TMEM14A: variants seen among roughly 807,000 people sequenced by gnomAD.
TMEM14A encodes transmembrane protein 14A.
In TMEM14A, 8 loss-of-function variants were observed where a neutral mutation model predicts 11.6. The ratio of observed to expected loss-of-function variants is 0.69; its 90% confidence interval spans 0.40 to 1.24. The LOEUF (loss-of-function observed/expected upper bound fraction) is 1.24. Ranked by LOEUF, TMEM14A falls within the 50% of genes most tolerant of loss-of-function variation. TMEM14A has a pLI of 0.01. For missense variants in TMEM14A, 108 were observed against 121.9 expected (o/e 0.89, Z 0.54); for synonymous variants, 34 against 45.5 (o/e 0.75, Z 1.02).
intron 2 of TMEM14A, among the ~76,000 whole-genome samples, chr6:52,680,858 GGT>G (rs70977374): frequency 8.9e-5 from 13 of 145,398 alleles, no homozygotes; most frequent in African/African-American, 1.8e-4. Context: ...ATGCTGCTCT[GGT>G]GTGTGTGTGT....
chr6:52,684,772 T>G (rs1427800551), intron 4 of TMEM14A, among the ~76,000 whole-genome samples: 1 of 152,240 alleles, frequency 6.6e-6, no homozygotes. Context: ...GTTTATTTCC[T>G]TTGATAGACA....
chr6:52,677,032 T>C, intron 1 of TMEM14A, 55 bp from the exon 2 acceptor site: 1 of 1,513,722 alleles, frequency 6.6e-7, no homozygotes, highest in East Asian at 2.3e-5. Flanking sequence ...TTAGATACAT[T>C]CCCTCCCCAA....
intron 1 of TMEM14A, among the ~76,000 whole-genome samples, chr6:52,675,808 T>A (rs1022643326): frequency 1.3e-5 from 2 of 152,242 alleles, no homozygotes; most frequent in Non-Finnish European, 2.9e-5. Flanking sequence ...AGGACTAATA[T>A]CTGTACAGAC....
intron 2 of TMEM14A, among the ~76,000 whole-genome samples, chr6:52,680,121 A>G (rs1231676373): frequency 6.6e-6 from 1 of 152,028 alleles, no homozygotes; most frequent in Non-Finnish European, 1.5e-5. Context: ...CTGGGGAAAC[A>G]GCAATCGCTC....
At chr6:52,678,367 GTGT>G (rs1284171902) in intron 2 of TMEM14A, among the ~76,000 whole-genome samples, 22 of 143,694 alleles carry the variant, frequency 1.5e-4, no homozygotes, top group Admixed American at 1.5e-3. Context: ...GTGTGTGTGT[GTGT>G]GGAAGGAATC....
At chr6:52,671,871 C>T (rs1236368583) in intron 1 of TMEM14A, among the ~76,000 whole-genome samples, 2 of 152,204 alleles carry the variant, frequency 1.3e-5, no homozygotes, top group Non-Finnish European at 2.9e-5. Context: ...TCCTCTCCCA[C>T]CTTATCCCTT....
At chr6:52,678,000 G>A (rs988367674) in intron 2 of TMEM14A, among the ~76,000 whole-genome samples, 2 of 152,034 alleles carry the variant, frequency 1.3e-5, no homozygotes, top group African/African-American at 4.8e-5. Flanking sequence ...ATTCCTTAAA[G>A]CCTGTAATTC....
intron 3 of TMEM14A, among the ~76,000 whole-genome samples, chr6:52,683,486 A>C (rs74331158): frequency 0.23 from 22,604 of 97,172 alleles, 1,797 homozygotes; most frequent in East Asian, 0.48. Flanking sequence ...ACAACAACAA[A>C]AAAAAAAAAA....
chr6:52,681,737 C>A, intron 2 of TMEM14A, 76 bp from the exon 3 acceptor site: 1 of 1,304,530 alleles, frequency 7.7e-7, no homozygotes, highest in Non-Finnish European at 1.1e-6. Flanking sequence ...GTGCCTGTAT[C>A]ATACTAGAAG....
At chr6:52,672,110 A>C (rs539025657) in intron 1 of TMEM14A, among the ~76,000 whole-genome samples, 1 of 152,354 alleles carries the variant, frequency 6.6e-6, no homozygotes, top group African/African-American at 2.4e-5. Context: ...GGTCAGTTAC[A>C]GAATGTCTTC....
rs376209722 is a variant in TMEM14A at position 52,680,665 on chromosome 6, ATGTG to A, written c.71-1146_71-1143del. 9.3e-4 allele frequency among the ~76,000 whole-genome samples: 44 copies of A among 47,142 alleles called. 2 individuals carry two copies. The highest frequency in any genetic ancestry group is 1.2e-3 in the Non-Finnish European group (29 of 23,712). The allele number at this position is 47,142 out of a possible 152,430, so 30.9% of individuals were successfully genotyped here. ...TGTATATATATGTGTGTGTATATAT[ATGTG>A]TATATATATATATACATATATGTAT... On this transcript the variant is annotated intron_variant, in intron 2 of 4. Coordinates refer to ENST00000211314, the MANE Select transcript of TMEM14A (RefSeq NM_014051.4).
In TMEM14A at chr6:52,675,837, G is replaced by A. The variant is rs530227996; in HGVS notation, c.-16-1250G>A. 3.0e-4 allele frequency among the ~76,000 whole-genome samples: 45 copies of A among 152,320 alleles called. 1 individual carries two copies. Among genetic ancestry groups the A allele is most frequent in the African/African-American group, 1.1e-3 (44 of 41,578 alleles). On this transcript the variant is annotated intron_variant, in intron 1 of 4. Coordinates refer to ENST00000211314, the MANE Select transcript of TMEM14A (RefSeq NM_014051.4). The stretch of plus-strand genomic sequence containing the variant: ...TACAGACATGAAAGAATTATAAGAT[G>A]GAATTGTGGAAGTTAAGGAATTTAG...
At chr6:52,685,157 C>T (rs1769470025) in intron 4 of TMEM14A, among the ~76,000 whole-genome samples, 1 of 152,108 alleles carries the variant, frequency 6.6e-6, no homozygotes, top group African/African-American at 2.4e-5. Context: ...TTGTAATGTT[C>T]CTCTTTCTAC....
At chr6:52,680,710 T>TATGTGTATATATATATATAC (rs1561875194) in intron 2 of TMEM14A, among the ~76,000 whole-genome samples, 2 of 127,628 alleles carry the variant, frequency 1.6e-5, no homozygotes, top group African/African-American at 2.9e-5. Flanking sequence ...TATATACACA[T>TATGTGTATATATATATATAC]ATATATATGG....
chr6:52,684,261 C>G, intron 4 of TMEM14A, 96 bp downstream of exon 4: 2 of 1,124,754 alleles, frequency 1.8e-6, no homozygotes, highest in Admixed American at 5.0e-5. Flanking sequence ...AGATCAAAGT[C>G]CTTTTTGTTA....
At chr6:52,678,362 TGTGTGTGTGG>T (rs1378549286) in intron 2 of TMEM14A, among the ~76,000 whole-genome samples, 8 of 125,272 alleles carry the variant, frequency 6.4e-5, no homozygotes, top group Admixed American at 3.2e-4. Context: ...TGTGTGTGTG[TGTGTGTGTGG>T]AAGGAATCAT....
chr6:52,675,654 G>T (rs1415342026), intron 1 of TMEM14A, among the ~76,000 whole-genome samples: 1 of 152,188 alleles, frequency 6.6e-6, no homozygotes, highest in East Asian at 1.9e-4. Context: ...GGGCTATATT[G>T]TATTCTTTAG....
chr6:52,672,130 C>A (rs1044198609), intron 1 of TMEM14A, among the ~76,000 whole-genome samples: 1 of 152,230 alleles, frequency 6.6e-6, no homozygotes, highest in African/African-American at 2.4e-5. Context: ...CAGGCAGAAG[C>A]TGTTCCTTTG....
chr6:52,678,861 T>C (rs1190056895), intron 2 of TMEM14A, among the ~76,000 whole-genome samples: 1 of 152,236 alleles, frequency 6.6e-6, no homozygotes, highest in Non-Finnish European at 1.5e-5. Flanking sequence ...AATACCTTTT[T>C]CTAGTTTTGT....
Sources: gnomAD v4.1 joint callset for allele counts (sites outside exome capture counted in the v4.1 genomes callset) on GRCh38, gnomAD v4.1.1 for gene constraint, MANE v1.5 for transcripts, NCBI Gene and HGNC (gene_info 2026-07-23, HGNC 2026-07-21) for gene names.